Variants in PRH1 observed in about 807,000 individuals in gnomAD.
The protein encoded by PRH1 is salivary acidic proline-rich phosphoprotein 1/2.
PRH1 carries 7 observed loss-of-function variants against 7.9 expected under a neutral mutation model. The ratio of observed to expected loss-of-function variants is 0.89; its 90% confidence interval spans 0.50 to 1.67. The LOEUF is 1.67. Ranked by LOEUF, PRH1 falls within the 40% of genes most tolerant of loss-of-function variation. The pLI is 0.00. For missense variants in PRH1, 109 were observed against 223.6 expected, an observed-to-expected ratio of 0.49 and a Z score of 3.27; for synonymous variants, 45 against 80.8, an observed-to-expected ratio of 0.56 and a Z score of 2.38.
chr12:11,017,836 T>G (rs1455007612), intron 1 of PRH1, among the ~76,000 whole-genome samples: 1 of 152,038 alleles, frequency 6.6e-6, no homozygotes, highest in Non-Finnish European at 1.5e-5. Context: ...ATACTTCCTA[T>G]CACTAAAAGA....
At chr12:11,030,869 T>C (rs745382271) in intron 1 of PRH1, 1 of 1,614,176 alleles carries the variant, frequency 6.2e-7, no homozygotes, top group Non-Finnish European at 8.5e-7. Flanking sequence ...TTCATATTCT[T>C]TTGTCCGTAC....
chr12:10,908,903 C>A (rs749272501), intron 2 of PRH1: 1 of 1,612,916 alleles, frequency 6.2e-7, no homozygotes, highest in Non-Finnish European at 8.5e-7. Context: ...CTAGCAGTAT[C>A]ATCAGAATCA....
chr12:11,121,305 T>C (rs1399385073), intron 1 of PRH1: 2 of 152,206 alleles, frequency 1.3e-5, no homozygotes, highest in Admixed American at 6.5e-5. Context: ...GACAGATAAT[T>C]TGTAATATTT....
intron 1 of PRH1, among the ~76,000 whole-genome samples, chr12:11,016,902 T>A (rs1941322397): frequency 6.6e-6 from 1 of 152,214 alleles, no homozygotes; most frequent in African/African-American, 2.4e-5. Context: ...GGAATGGAAT[T>A]GATCACTACC....
At chr12:11,131,577 A>C (rs991326223) in intron 1 of PRH1, among the ~76,000 whole-genome samples, 3 of 152,296 alleles carry the variant, frequency 2.0e-5, no homozygotes, top group Admixed American at 1.3e-4. Flanking sequence ...ATAGAAAAAA[A>C]TACATACGCA....
intron 1 of PRH1, chr12:11,062,089 G>T: frequency 3.1e-6 from 5 of 1,613,660 alleles, no homozygotes; most frequent in Non-Finnish European, 4.2e-6. Flanking sequence ...ATTCAACTCA[G>T]TTGCATACCA....
chr12:11,135,322 C>T (rs867276378), intron 1 of PRH1, among the ~76,000 whole-genome samples: 7 of 152,086 alleles, frequency 4.6e-5, no homozygotes, highest in African/African-American at 2.4e-5. Context: ...AGCTTCCATA[C>T]TGGGTGTTCT....
At chr12:10,969,631 G>T (rs1178335208) in intron 2 of PRH1, among the ~76,000 whole-genome samples, 7 of 151,320 alleles carry the variant, frequency 4.6e-5, no homozygotes, top group South Asian at 2.1e-4. Flanking sequence ...CTGCTCTTTG[G>T]TTTTTCTGTT....
Position 10,908,343 on chromosome 12 carries a change from T to G in PRH1, c.-58-24068A>C, listed in dbSNP as rs370726836. ...TAGACTCCTGTTTCTGTCTGCAATA[T>G]TCAATAATCTGTGGTCTGAATGGCT... On this transcript the variant is annotated intron_variant, in intron 2 of 3. Transcript: ENST00000539853. The G allele has an allele frequency of 2.6e-6, 4 of 1,539,728 alleles. No homozygotes were observed. The African/African-American group carries it at 5.5e-5, about 21-fold the overall frequency.
intron 1 of PRH1, among the ~76,000 whole-genome samples, chr12:11,089,248 C>T (rs1944802811): frequency 8.6e-6 from 1 of 116,022 alleles, no homozygotes; most frequent in African/African-American, 2.9e-5. Flanking sequence ...TTCATGACCA[C>T]CACCAAGGGA....
rs139526499 is a variant in PRH1, at chr12:11,110,519, A to G, written n.123+60903T>C. ...GAGAGTGGGGACATTCTTCAAGAAA[A>G]GGATTTTCAACCCAGAATTTCATAG... On this transcript the variant is annotated intron_variant and non_coding_transcript_variant, in intron 1 of 4. Transcript: ENST00000541977. Among the ~76,000 whole-genome samples the G allele has an allele frequency of 3.9e-3, 595 of 152,202 alleles. 1 individual carries two copies. Among genetic ancestry groups the G allele is most frequent in the African/African-American group, 0.014 (565 of 41,546 alleles).
rs140429903 is a variant in PRH1 at position 11,017,967 on chromosome 12, C to T, written c.-126+29053G>A. On this transcript the variant is annotated intron_variant, in intron 1 of 3. Coordinates refer to the PRH1 transcript ENST00000539853. ...ATCCCTGTTCAGTTAACCTACCTAG[C>T]CTCTGCCAAAACCAGATGGGTTACA... Among the ~76,000 whole-genome samples the T allele has an allele frequency of 2.3e-4, 35 of 152,308 alleles. No individual in the cohort carries two copies. In the East Asian group the frequency reaches 6.2e-3, roughly 27 times the overall value.
chr12:11,001,308 AC>A (rs1940583895), intron 1 of PRH1, among the ~76,000 whole-genome samples: 1 of 152,166 alleles, frequency 6.6e-6, no homozygotes, highest in Admixed American at 6.6e-5. Context: ...ATTCTATTTT[AC>A]AAATTAAATT....
At chr12:11,035,696 C>T (rs1227532881) in intron 1 of PRH1, among the ~76,000 whole-genome samples, 1 of 152,132 alleles carries the variant, frequency 6.6e-6, no homozygotes, top group African/African-American at 2.4e-5. Context: ...TTAGAAGAAA[C>T]TGGAAATTGA....
At chr12:11,078,338 C>G (rs1944376899) in intron 1 of PRH1, 2 of 239,124 alleles carry the variant, frequency 8.4e-6, no homozygotes, top group Admixed American at 1.1e-4. Context: ...CACTTGATTA[C>G]TAAATGTGCA....
intron 2 of PRH1, among the ~76,000 whole-genome samples, chr12:10,927,388 C>T (rs1370988041): frequency 6.6e-6 from 1 of 152,134 alleles, no homozygotes; most frequent in Non-Finnish European, 1.5e-5. Context: ...GAAAATAATC[C>T]CAGTAACCCA....
chr12:10,988,011 T>G (rs768607891), intron 1 of PRH1, among the ~76,000 whole-genome samples: 3 of 152,084 alleles, frequency 2.0e-5, no homozygotes, highest in Non-Finnish European at 4.4e-5. Flanking sequence ...TTTCCATTGA[T>G]CATGAGATTA....
chr12:11,132,884 T>C (rs557642499), intron 1 of PRH1: 1 of 164,580 alleles, frequency 6.1e-6, no homozygotes, highest in East Asian at 1.7e-4. Flanking sequence ...AAGCACACTG[T>C]GGTATATTTG....
At position 11,030,831 on chromosome 12, in the gene PRH1, T is replaced by C. The variant is rs757306110; in HGVS notation, c.-126+16189A>G. On this transcript the variant is annotated intron_variant, in intron 1 of 3. Coordinates refer to the PRH1 transcript ENST00000539853. ...GCATCTGAAAGGTACACTGCACTCC[T>C]CAATTTGATCTTCCAAGTCAAGTTT... 2.5e-6 allele frequency: 4 copies of C among 1,614,080 alleles called. No homozygotes were observed. In the African/African-American group the frequency reaches 5.3e-5, roughly 22 times the overall value.
Sources: allele counts gnomAD v4.1 joint callset (sites outside exome capture counted in the v4.1 genomes callset), GRCh38; gene constraint gnomAD v4.1.1; transcripts MANE v1.5; gene names NCBI Gene and HGNC (gene_info 2026-07-23, HGNC 2026-07-21).